MYH11: variants seen among roughly 807,000 people sequenced by gnomAD.
The protein encoded by MYH11 is myosin-11.
MYH11 carries 80 observed loss-of-function variants against 246.6 expected under a neutral mutation model. The ratio of observed to expected loss-of-function variants is 0.32; its 90% CI spans 0.27 to 0.39. The LOEUF is 0.39. Among genes scored for constraint, MYH11 ranks in the 10% least tolerant of loss-of-function variants. MYH11 has a pLI of 1.00. For missense variants in MYH11, 2,158 were observed against 2,546.8 expected (o/e 0.85, Z 3.29); for synonymous variants, 1,071 against 1,015.5 (o/e 1.05, Z -1.04).
intron 37 of MYH11, 44 bp from the exon 38 acceptor site, chr16:15,717,392 C>A: frequency 6.3e-7 from 1 of 1,592,866 alleles, no homozygotes; most frequent in Non-Finnish European, 8.5e-7. Flanking sequence ...CAGGGAAGCC[C>A]AAGAGAGCGC....
chr16:15,842,458 T>C (rs1307054359), intron 1 of MYH11, among the ~76,000 whole-genome samples: 1 of 151,798 alleles, frequency 6.6e-6, no homozygotes, highest in Non-Finnish European at 1.5e-5. Context: ...CCTGATATCG[T>C]AGCTGATGAA....
chr16:15,763,779 G>A lies in MYH11; in HGVS notation c.1129+17C>T, dbSNP rs779588495. On this transcript the variant is annotated intron_variant, in intron 10 of 40. Coordinates refer to ENST00000300036, the MANE Select transcript of MYH11 (RefSeq NM_002474.3). Reference sequence around the variant, plus strand: ...CAACCCCAAAGTCATTGGTCATCAGGAAAAAGTGGCAAGTACCTGTGTTAT... The same window carrying A: ...CAACCCCAAAGTCATTGGTCATCAGAAAAAAGTGGCAAGTACCTGTGTTAT... 7.1e-6 allele frequency: 8 copies of A among 1,122,816 alleles called. No homozygotes were observed. Among genetic ancestry groups the A allele is most frequent in the Non-Finnish European group, 1.0e-5 (8 of 783,176 alleles). 69.6% of individuals were successfully genotyped at this position (1,122,816 alleles called of 1,614,324 possible).
intron 38 of MYH11, among the ~76,000 whole-genome samples, chr16:15,716,683 G>A (rs991336051): frequency 6.6e-6 from 1 of 152,074 alleles, no homozygotes; most frequent in Non-Finnish European, 1.5e-5. Context: ...CACCACACTC[G>A]GCTAATTTTT....
At chr16:15,815,222 C>T (rs2043235917) in intron 3 of MYH11, among the ~76,000 whole-genome samples, 1 of 152,076 alleles carries the variant, frequency 6.6e-6, no homozygotes, top group Non-Finnish European at 1.5e-5. Flanking sequence ...CCAAGAATCC[C>T]AAGACATCTG....
At chr16:15,780,240 G>A (rs940197931) in intron 6 of MYH11, among the ~76,000 whole-genome samples, 1 of 151,888 alleles carries the variant, frequency 6.6e-6, no homozygotes, top group African/African-American at 2.4e-5. Context: ...TTTGGAAATC[G>A]GTGGAAGCCA....
chr16:15,785,787 T>C (rs2151306494), intron 5 of MYH11: 1 of 153,766 alleles, frequency 6.5e-6, no homozygotes, highest in East Asian at 1.9e-4. Flanking sequence ...GGATGGGCCC[T>C]AGAGGTGATG....
rs5815842 is a variant in MYH11 at position 15,703,925 on chromosome 16, GTTTTT to G, written c.*61_*65del. On this transcript the variant is annotated 3_prime_UTR_variant, in exon 41 of 41. Coordinates refer to ENST00000300036, the MANE Select transcript of MYH11 (RefSeq NM_002474.3). ...TTGCTTTGTTCTGGGTTGTTGTTGG[GTTTTT>G]TTTGTTTGTTTGTTTTGGTTTTTGG... is the stretch of plus-strand genomic sequence containing the variant. 0.012 allele frequency: 18,969 copies of G among 1,606,394 alleles called. 171 individuals carry two copies. The highest frequency in any genetic ancestry group is 0.013 in the Non-Finnish European group (15,678 of 1,174,276).
Position 15,703,937 on chromosome 16 carries a change from T to C in MYH11, c.*54A>G, listed in dbSNP as rs1349205951. 4 of 1,612,800 alleles carry C rather than the reference T, an allele frequency of 2.5e-6. No individual in the cohort carries two copies. Among genetic ancestry groups the C allele is most frequent in the Non-Finnish European group, 8.5e-7 (1 of 1,179,360 alleles). On this transcript the variant is annotated 3_prime_UTR_variant, in exon 41 of 41. Coordinates refer to ENST00000300036, the MANE Select transcript of MYH11 (RefSeq NM_002474.3). ...GGGTTGTTGTTGGGTTTTTTTTGTT[T>C]GTTTGTTTTGGTTTTTGGTTTTCTT... is the stretch of plus-strand genomic sequence containing the variant.
intron 3 of MYH11, 71 bp from the exon 4 acceptor site, chr16:15,798,758 C>T (rs760005178): frequency 3.4e-6 from 5 of 1,463,958 alleles, no homozygotes; most frequent in Middle Eastern, 1.7e-4. Context: ...GGACTTGGCT[C>T]CTCCCAGGGC....
intron 4 of MYH11, among the ~76,000 whole-genome samples, chr16:15,796,827 AG>A (rs1444823585): frequency 6.6e-6 from 1 of 152,200 alleles, no homozygotes; most frequent in Non-Finnish European, 1.5e-5. Flanking sequence ...CAAGGAATGC[AG>A]GTGACCCCTA....
intron 1 of MYH11, among the ~76,000 whole-genome samples, chr16:15,848,350 C>T (rs951583047): frequency 2.6e-5 from 4 of 151,614 alleles, no homozygotes; most frequent in Non-Finnish European, 5.9e-5. Flanking sequence ...TCTCGTGCCT[C>T]AGCCTCCCAA....
At chr16:15,782,553 A>G in intron 5 of MYH11, 76 bp from the exon 6 acceptor site, 2 of 1,202,094 alleles carry the variant, frequency 1.7e-6, no homozygotes, top group Non-Finnish European at 2.5e-6. Flanking sequence ...GGATGTTGTC[A>G]CAAAACTCTG....
intron 3 of MYH11, among the ~76,000 whole-genome samples, chr16:15,820,871 G>GTTTTC (rs1191212989): frequency 5.9e-5 from 9 of 151,950 alleles, no homozygotes; most frequent in Admixed American, 2.6e-4. Context: ...TGCAATGTTG[G>GTTTTC]TTTTCTTTTC....
intron 3 of MYH11, among the ~76,000 whole-genome samples, chr16:15,816,453 G>A (rs901683081): frequency 6.6e-6 from 1 of 151,932 alleles, no homozygotes. Flanking sequence ...AAAAAGAAAA[G>A]TCATACAGAA....
intron 28 of MYH11, 108 bp downstream of exon 28, chr16:15,726,740 G>T: frequency 7.8e-7 from 1 of 1,286,284 alleles, no homozygotes; most frequent in Non-Finnish European, 1.1e-6. Context: ...TAGAGGAAAG[G>T]ACTTGCCTTG....
chr16:15,763,741 T>TCCAC, intron 10 of MYH11, 55 bp downstream of exon 10: 1 of 646,860 alleles, frequency 1.5e-6, no homozygotes, highest in Non-Finnish European at 2.9e-6. Context: ...AAATGTCACC[T>TCCAC]CCCCCACCCC....
At chr16:15,745,084 C>G (rs773379041) in intron 20 of MYH11, 45 bp downstream of exon 20, 2 of 1,485,516 alleles carry the variant, frequency 1.3e-6, no homozygotes, top group Non-Finnish European at 1.9e-6. Context: ...AGTGAAGAAG[C>G]AGGGCTGGGG....
chr16:15,786,657 G>A lies in MYH11; in HGVS notation c.606C>T (p.His202=), dbSNP rs1408311198. ...IQYLAVVASS[H]KGKKDTSITG... is the part of the protein sequence containing the mutation. Reference sequence around the variant, plus strand: ...TGATACTTGTGTCTTTCTTGCCCTTGTGGGAGGAGGCCACCACGGCCAGGT... The same window carrying A: ...TGATACTTGTGTCTTTCTTGCCCTTATGGGAGGAGGCCACCACGGCCAGGT... Residue 202 remains histidine, a synonymous_variant, in exon 5 of 41, where the codon CAC becomes CAT. Transcript: ENST00000300036. 6.2e-7 allele frequency: 1 copy of A among 1,614,156 alleles called. No individual in the cohort carries two copies. Among genetic ancestry groups the A allele is most frequent in the African/African-American group, 1.3e-5 (1 of 75,050 alleles).
chr16:15,798,433 A>G (rs2042795330), intron 4 of MYH11, among the ~76,000 whole-genome samples: 2 of 152,126 alleles, frequency 1.3e-5, no homozygotes, highest in South Asian at 4.1e-4. Context: ...AAATGATAGC[A>G]GGTGTCATTA....
Sources: gnomAD v4.1 joint callset for allele counts (sites outside exome capture counted in the v4.1 genomes callset) on GRCh38, gnomAD v4.1.1 for gene constraint, MANE v1.5 for transcripts, NCBI Gene and HGNC (gene_info 2026-07-23, HGNC 2026-07-21) for gene names.